Variants in DPYD observed in about 807,000 individuals in gnomAD.
DPYD encodes dihydropyrimidine dehydrogenase.
A neutral mutation model predicts 116.2 loss-of-function variants in DPYD; 109 were observed. The observed-to-expected ratio is 0.94, with a 90% CI of 0.80 to 1.10. The LOEUF is 1.10. Among genes scored for constraint, DPYD ranks in the 50% least tolerant of loss-of-function variants. The probability of loss-of-function intolerance (pLI) is 0.00; values close to 1 mark genes in which losing one functional copy is unlikely to be tolerated. For missense variants in DPYD, 1,302 were observed against 1,254.5 expected (o/e 1.04, Z -0.57); for synonymous variants, 440 against 432.0 (o/e 1.02, Z -0.23).
intron 18 of DPYD, among the ~76,000 whole-genome samples, chr1:97,252,778 G>A (rs2100817037): frequency 6.6e-6 from 1 of 152,172 alleles, no homozygotes; most frequent in African/African-American, 2.4e-5. Context: ...AGTGTAAATA[G>A]GGCCAATGGT....
intron 20 of DPYD, among the ~76,000 whole-genome samples, chr1:97,111,308 T>C (rs1034353421): frequency 7.2e-5 from 11 of 152,108 alleles, no homozygotes; most frequent in South Asian, 2.1e-4. Flanking sequence ...ATGATTTCAT[T>C]GCTCTTAGAA....
At chr1:97,196,243 G>A (rs1376724989) in intron 19 of DPYD, among the ~76,000 whole-genome samples, 2 of 151,972 alleles carry the variant, frequency 1.3e-5, no homozygotes, top group Admixed American at 6.6e-5. Flanking sequence ...AGGACTACAG[G>A]CACACACCAC....
chr1:97,822,808 T>C (rs1467452326), intron 3 of DPYD, among the ~76,000 whole-genome samples: 1 of 152,190 alleles, frequency 6.6e-6, no homozygotes, highest in Non-Finnish European at 1.5e-5. Flanking sequence ...AGCAAGAGAT[T>C]GGTGTATTTT....
At chr1:97,207,928 T>C (rs1336368808) in intron 19 of DPYD, among the ~76,000 whole-genome samples, 2 of 152,164 alleles carry the variant, frequency 1.3e-5, no homozygotes, top group African/African-American at 4.8e-5. Flanking sequence ...ATCAAATTAC[T>C]TTGAAATAGT....
intron 16 of DPYD, 124 bp from the exon 17 acceptor site, chr1:97,306,421 A>C (rs1447096545): frequency 7.7e-7 from 1 of 1,299,044 alleles, no homozygotes; most frequent in Non-Finnish European, 1.1e-6. Context: ...GCTACATGAT[A>C]TATTTCTCAA....
intron 4 of DPYD, among the ~76,000 whole-genome samples, chr1:97,730,238 T>C (rs1176804833): frequency 2.0e-5 from 3 of 152,188 alleles, no homozygotes; most frequent in Admixed American, 2.0e-4. Flanking sequence ...TCGTCTTCTT[T>C]TTAGACAGAG....
chr1:97,866,863 G>A (rs1002358152), intron 2 of DPYD, among the ~76,000 whole-genome samples: 8 of 151,876 alleles, frequency 5.3e-5, no homozygotes, highest in African/African-American at 1.2e-4. Context: ...GCAGAAGGCC[G>A]CAGGAAGTGT....
At position 97,907,558 on chromosome 1, in the gene DPYD, G is replaced by C. The variant is rs117009520; in HGVS notation, c.39+13326C>G. Among the ~76,000 whole-genome samples, 16 of 152,130 alleles carry C rather than the reference G, an allele frequency of 1.1e-4. 1 individual carries two copies. The East Asian group carries it at 3.1e-3, about 30-fold the overall frequency. ...GCATATTTAGGATTCTTCATATTTAGGAATAGTCAACCCCAATTACTTCCT... is the reference window on the plus strand; with the variant it reads ...GCATATTTAGGATTCTTCATATTTACGAATAGTCAACCCCAATTACTTCCT... On this transcript the variant is annotated intron_variant, in intron 1 of 22. Coordinates refer to ENST00000370192, the MANE Select transcript of DPYD (RefSeq NM_000110.4).
At chr1:97,272,578 T>G (rs1286954062) in intron 18 of DPYD, among the ~76,000 whole-genome samples, 1 of 152,156 alleles carries the variant, frequency 6.6e-6, no homozygotes, top group Non-Finnish European at 1.5e-5. Context: ...TATAATTACA[T>G]ATATTCAATC....
chr1:97,224,741 A>T (rs1346152445), intron 19 of DPYD, among the ~76,000 whole-genome samples: 1 of 150,900 alleles, frequency 6.6e-6, no homozygotes, highest in Non-Finnish European at 1.5e-5. Flanking sequence ...TTTAGATTCC[A>T]CATATAAGAG....
chr1:97,245,089 T>C (rs545022814), intron 18 of DPYD, among the ~76,000 whole-genome samples: 2 of 152,236 alleles, frequency 1.3e-5, no homozygotes, highest in Admixed American at 1.3e-4. Context: ...TGAGAACCTA[T>C]TAAGTACCAG....
intron 20 of DPYD, among the ~76,000 whole-genome samples, chr1:97,153,858 G>A (rs1188167882): frequency 6.7e-6 from 1 of 150,072 alleles, no homozygotes; most frequent in African/African-American, 2.5e-5. Context: ...AGACAATTCT[G>A]AAAACAAATG....
At chr1:97,291,512 A>G (rs1666168811) in intron 18 of DPYD, among the ~76,000 whole-genome samples, 2 of 152,212 alleles carry the variant, frequency 1.3e-5, no homozygotes, top group South Asian at 4.1e-4. Flanking sequence ...CAGCCATAAA[A>G]AATGATGAGT....
chr1:97,542,833 T>C (rs1354711533), intron 12 of DPYD, among the ~76,000 whole-genome samples: 2 of 152,214 alleles, frequency 1.3e-5, no homozygotes, highest in East Asian at 3.8e-4. Flanking sequence ...TGGATGTATG[T>C]GGATGAATAA....
intron 16 of DPYD, among the ~76,000 whole-genome samples, chr1:97,318,080 G>A (rs1040128786): frequency 1.4e-4 from 20 of 146,450 alleles, no homozygotes; most frequent in Non-Finnish European, 2.7e-4. Context: ...CCTGAAGGAA[G>A]CGCTAAACAT....
At chr1:97,719,887 CT>C in intron 5 of DPYD, 2 of 985,064 alleles carry the variant, frequency 2.0e-6, no homozygotes, top group Non-Finnish European at 2.4e-6. Context: ...TAAAATGCAT[CT>C]ACTGCAGTCC....
At chr1:97,510,292 A>G (rs1647684743) in intron 13 of DPYD, among the ~76,000 whole-genome samples, 1 of 151,582 alleles carries the variant, frequency 6.6e-6, no homozygotes, top group Non-Finnish European at 1.5e-5. Flanking sequence ...GCCAAACTGA[A>G]TTTCAAAATT....
intron 4 of DPYD, among the ~76,000 whole-genome samples, chr1:97,723,895 TC>T (rs1195296042): frequency 6.6e-6 from 1 of 151,674 alleles, no homozygotes; most frequent in African/African-American, 2.4e-5. Context: ...CATGGCTTAA[TC>T]GGTGAATTGT....
chr1:97,641,294 T>C (rs930555543), intron 8 of DPYD, among the ~76,000 whole-genome samples: 21 of 152,078 alleles, frequency 1.4e-4, no homozygotes, highest in Admixed American at 1.2e-3. Flanking sequence ...AGAACTTCTT[T>C]TGGAGACATA....
Sources: allele counts gnomAD v4.1 joint callset (sites outside exome capture counted in the v4.1 genomes callset), GRCh38; gene constraint gnomAD v4.1.1; transcripts MANE v1.5; gene names NCBI Gene and HGNC (gene_info 2026-07-23, HGNC 2026-07-21).